CCDC87: variants seen among roughly 807,000 people sequenced by gnomAD.
The protein encoded by CCDC87 is coiled-coil domain-containing protein 87.
For synonymous variants in CCDC87, 434 were observed against 440.2 expected (o/e 0.99, Z 0.18); for missense variants, 1,072 against 1,041.7 (o/e 1.03, Z -0.40).
chr11:66,591,511 A>C lies in CCDC87; in HGVS notation c.1505T>G (p.Val502Gly). The C allele has an allele frequency of 6.2e-7, 1 of 1,614,174 alleles. No homozygotes were observed. The highest frequency in any genetic ancestry group is 1.3e-5 in the African/African-American group (1 of 75,038). The change falls in exon 1 of 1, where the codon GTC (valine) becomes GGC (glycine). Residue 502 changes from valine to glycine, a missense_variant. Coordinates refer to ENST00000333861, the MANE Select transcript of CCDC87 (RefSeq NM_018219.3). ...REVYKELMSH[V>G]SSDHLHFDQG... ...ATCAAAATGTAAGTGGTCAGAAGAG[A>C]CATGGCTCATCAACTCCTTGTAGAC... is the stretch of plus-strand genomic sequence containing the variant.
chr11:66,591,099 T>C lies in CCDC87; in HGVS notation c.1917A>G (p.Pro639=). ...AGTCTGGTTCTTCATCTTCTAGCAATGGGGGAGGGTGCTGAATCTCTAGGG... is the reference window on the plus strand; with the variant it reads ...AGTCTGGTTCTTCATCTTCTAGCAACGGGGGAGGGTGCTGAATCTCTAGGG... ...RESLEIQHPP[P]LLEDEEPDFV... is the part of the protein sequence containing the mutation. Residue 639 remains proline, a synonymous_variant, in exon 1 of 1, where the codon CCA becomes CCG. Transcript: ENST00000333861. 1 of 1,614,088 alleles carries C rather than the reference T, an allele frequency of 6.2e-7. No homozygotes were observed. The highest frequency in any genetic ancestry group is 8.5e-7 in the Non-Finnish European group (1 of 1,180,018).
Position 66,590,437 on chromosome 11 carries a change from A to G in CCDC87, c.*29T>C. 1 of 1,545,952 alleles carries G rather than the reference A, an allele frequency of 6.5e-7. No homozygotes were observed. The highest frequency in any genetic ancestry group is 8.8e-7 in the Non-Finnish European group (1 of 1,141,200). Reference sequence around the variant, plus strand: ...CATTTGAGGGCACTGGGCCTGGTCAAGGAGTAATAGGGGTATTCCCAGGAG... The same window carrying G: ...CATTTGAGGGCACTGGGCCTGGTCAGGGAGTAATAGGGGTATTCCCAGGAG... On this transcript the variant is annotated 3_prime_UTR_variant, in exon 1 of 1. Transcript: ENST00000333861.
At position 66,591,640 on chromosome 11, in the gene CCDC87, A is replaced by G. The variant is rs759319157; in HGVS notation, c.1376T>C (p.Ile459Thr). The change falls in exon 1 of 1, where the codon ATT becomes ACT. Residue 459 changes from isoleucine (I) to threonine (T), a missense_variant. Ile to Thr is a moderately conservative substitution (Grantham distance 89). Coordinates refer to ENST00000333861, the MANE Select transcript of CCDC87 (RefSeq NM_018219.3). ...SDRNFLDSFHIEGAGALYNHL... is the reference protein window; with the variant it reads ...SDRNFLDSFHTEGAGALYNHL... ...GTTATACAGGGCTCCGGCCCCCTCAATGTGGAAAGAGTCTAAGAAGTTTCT... is the reference window on the plus strand; with the variant it reads ...GTTATACAGGGCTCCGGCCCCCTCAGTGTGGAAAGAGTCTAAGAAGTTTCT... 50 of 1,613,852 alleles carry G rather than the reference A, an allele frequency of 3.1e-5. No homozygotes were observed. The highest frequency in any genetic ancestry group is 4.0e-5 in the African/African-American group (3 of 74,912).
chr11:66,591,515 G>A lies in CCDC87; in HGVS notation c.1501C>T (p.His501Tyr). 1 of 1,614,142 alleles carries A rather than the reference G, an allele frequency of 6.2e-7. No individual in the cohort carries two copies. The highest frequency in any genetic ancestry group is 1.1e-5 in the South Asian group (1 of 91,084). ...AAATGTAAGTGGTCAGAAGAGACATGGCTCATCAACTCCTTGTAGACCTCC... is the reference window on the plus strand; with the variant it reads ...AAATGTAAGTGGTCAGAAGAGACATAGCTCATCAACTCCTTGTAGACCTCC... Reference protein sequence around the residue: ...TREVYKELMSHVSSDHLHFDQ... With the variant: ...TREVYKELMSYVSSDHLHFDQ... The change falls in exon 1 of 1, where the codon CAT (histidine) becomes TAT (tyrosine). Residue 501 changes from histidine to tyrosine, a missense_variant. His to Tyr is a moderately conservative substitution (Grantham distance 83). Coordinates refer to ENST00000333861, the MANE Select transcript of CCDC87 (RefSeq NM_018219.3).
chr11:66,591,203 C>A lies in CCDC87; in HGVS notation c.1813G>T (p.Glu605Ter). Residue 605 changes from glutamate (E) to a stop codon, truncating the protein, a stop_gained, in exon 1 of 1, where the codon GAA becomes TAA. Coordinates refer to ENST00000333861, the MANE Select transcript of CCDC87 (RefSeq NM_018219.3). LOFTEE classifies it low-confidence loss of function (END_TRUNC). ...DDYFKYLTNHETDFLHVIFQM... is the reference protein window; with the variant it reads ...DDYFKYLTNH Reference sequence around the variant, plus strand: ...AAGATGACATGAAGGAAATCTGTTTCATGGTTGGTGAGGTACTTGAAGTAG... The same window carrying A: ...AAGATGACATGAAGGAAATCTGTTTAATGGTTGGTGAGGTACTTGAAGTAG... The A allele has an allele frequency of 6.2e-7, 1 of 1,614,252 alleles. No homozygotes were observed. Among genetic ancestry groups the A allele is most frequent in the Non-Finnish European group, 8.5e-7 (1 of 1,180,042 alleles).
In CCDC87 at chr11:66,591,668, CAG is replaced by C. The variant is rs1858361588; in HGVS notation, c.1346_1347del (p.Ser449Ter). 6.2e-6 allele frequency: 10 copies of C among 1,613,844 alleles called. No homozygotes were observed. The highest frequency in any genetic ancestry group is 8.5e-6 in the Non-Finnish European group (10 of 1,180,000). On this transcript the variant is annotated frameshift_variant, in exon 1 of 1. Coordinates refer to ENST00000333861, the MANE Select transcript of CCDC87 (RefSeq NM_018219.3). LOFTEE classifies it low-confidence loss of function (END_TRUNC). ...TGGAAAGAGTCTAAGAAGTTTCTAT[CAG>C]AGACCCGTACGGCAGCCGCCTGGAC... Reference protein sequence around the residue: ...VVVQAAAVRVSDRNFLDSFHI... With the variant: ...VVVQAAAVRVXDRNFLDSFHI...
At position 66,592,559 on chromosome 11, in the gene CCDC87, G is replaced by A. The variant is rs764584208; in HGVS notation, c.457C>T (p.Arg153Trp). 18 of 1,612,940 alleles carry A rather than the reference G, an allele frequency of 1.1e-5. No individual in the cohort carries two copies. Among genetic ancestry groups the A allele is most frequent in the Non-Finnish European group, 1.4e-5 (16 of 1,180,036 alleles). The change falls in exon 1 of 1, where the codon CGG becomes TGG. Residue 153 changes from arginine (R) to tryptophan (W), a missense_variant. By Grantham distance (101) the Arg-to-Trp change is moderately radical. Transcript: ENST00000333861. ...GVFTESATLT[R>W]LAASLARDCT... ...TCCCTGGCGAGGCTGGCGGCCAACC[G>A]GGTGAGGGTGGCTGATTCAGTGAAG...
Position 66,592,660 on chromosome 11 carries a change from T to A in CCDC87, c.356A>T (p.Tyr119Phe). 6.2e-7 allele frequency: 1 copy of A among 1,613,904 alleles called. No individual in the cohort carries two copies. The highest frequency in any genetic ancestry group is 2.2e-5 in the East Asian group (1 of 44,886). ...GAGCTGCTCGCTGCTCAGCAGCACG[T>A]AGGCCTCGAGCCGCTTCCGCAGCTT... ...NQKLRKRLEAYVLLSSEQLFL... is the reference protein window; with the variant it reads ...NQKLRKRLEAFVLLSSEQLFL... The change falls in exon 1 of 1, where the codon TAC (tyrosine) becomes TTC (phenylalanine). Residue 119 changes from tyrosine to phenylalanine, a missense_variant. Coordinates refer to ENST00000333861, the MANE Select transcript of CCDC87 (RefSeq NM_018219.3).
chr11:66,592,119 G>T lies in CCDC87; in HGVS notation c.897C>A (p.Pro299=). 2 of 1,587,306 alleles carry T rather than the reference G, an allele frequency of 1.3e-6. No individual in the cohort carries two copies. Among genetic ancestry groups the T allele is most frequent in the Non-Finnish European group, 8.6e-7 (1 of 1,166,794 alleles). The change falls in exon 1 of 1, where the codon CCC becomes CCA. Residue 299 remains proline (P), a synonymous_variant. Coordinates refer to ENST00000333861, the MANE Select transcript of CCDC87 (RefSeq NM_018219.3). ...YPVAPTSRAS[P]SPFCPELRRG... is the part of the protein sequence containing the mutation. ...TCCGGAGCTCAGGGCAGAAAGGCGAGGGGGAAGCCCTGCTGGTGGGGGCCA... is the reference window on the plus strand; with the variant it reads ...TCCGGAGCTCAGGGCAGAAAGGCGATGGGGAAGCCCTGCTGGTGGGGGCCA...
chr11:66,592,720 G>A lies in CCDC87; in HGVS notation c.296C>T (p.Pro99Leu), dbSNP rs1565320783. 2 of 1,613,988 alleles carry A rather than the reference G, an allele frequency of 1.2e-6. No individual in the cohort carries two copies. The highest frequency in any genetic ancestry group is 1.7e-6 in the Non-Finnish European group (2 of 1,180,028). ...TTTGTGGCTCAGACTAAGTTCGGCGGGCGGCTCCCGCCAGCTGCACTTCAG... is the reference window on the plus strand; with the variant it reads ...TTTGTGGCTCAGACTAAGTTCGGCGAGCGGCTCCCGCCAGCTGCACTTCAG... Reference protein sequence around the residue: ...DELKCSWREPPAELSLSHKNN... With the variant: ...DELKCSWREPLAELSLSHKNN... The change falls in exon 1 of 1, where the codon CCC becomes CTC. Residue 99 changes from proline to leucine, a missense_variant. Transcript: ENST00000333861.
chr11:66,590,391 G>T lies in CCDC87; in HGVS notation c.*75C>A. The T allele has an allele frequency of 1.8e-6, 2 of 1,117,010 alleles. No individual in the cohort carries two copies. Among genetic ancestry groups the T allele is most frequent in the Non-Finnish European group, 2.6e-6 (2 of 767,698 alleles). The allele number at this position is 1,117,010 out of a possible 1,614,324, so 69.2% of individuals were successfully genotyped here. ...GTAAAGAGGTCTAGATGAGCTGCTGGCCATTTAGGGGTGAGGGAGGCATTT... is the reference window on the plus strand; with the variant it reads ...GTAAAGAGGTCTAGATGAGCTGCTGTCCATTTAGGGGTGAGGGAGGCATTT... On this transcript the variant is annotated 3_prime_UTR_variant, in exon 1 of 1. Transcript: ENST00000333861.
Position 66,591,638 on chromosome 11 carries a change from C to A in CCDC87, c.1378G>T (p.Glu460Ter), listed in dbSNP as rs556418445. 1.1e-4 allele frequency: 170 copies of A among 1,614,004 alleles called. No individual in the cohort carries two copies. The South Asian group carries it at 1.8e-3, about 17-fold the overall frequency. Residue 460 changes from glutamate to a stop codon, truncating the protein, a stop_gained, in exon 1 of 1, where the codon GAG (glutamate) becomes TAG (stop). Coordinates refer to ENST00000333861, the MANE Select transcript of CCDC87 (RefSeq NM_018219.3). LOFTEE classifies it low-confidence loss of function (END_TRUNC). ...TGGTTATACAGGGCTCCGGCCCCCT[C>A]AATGTGGAAAGAGTCTAAGAAGTTT... ...DRNFLDSFHIEGAGALYNHLA... is the reference protein window; with the variant it reads ...DRNFLDSFHI
At position 66,591,113 on chromosome 11, in the gene CCDC87, G is replaced by GA. The variant is rs1565319564; in HGVS notation, c.1902dup (p.Gln635SerfsTer10). The GA allele has an allele frequency of 1.9e-6, 3 of 1,614,088 alleles. No homozygotes were observed. Among genetic ancestry groups the GA allele is most frequent in the African/African-American group, 1.3e-5 (1 of 75,044 alleles). On this transcript the variant is annotated frameshift_variant, in exon 1 of 1. Transcript: ENST00000333861. LOFTEE classifies it low-confidence loss of function (END_TRUNC). ...TCTTCTAGCAATGGGGGAGGGTGCT[G>GA]AATCTCTAGGGACTCTCTGGCAGGG... is the stretch of plus-strand genomic sequence containing the variant.
At position 66,592,357 on chromosome 11, in the gene CCDC87, A is replaced by C; in HGVS notation, c.659T>G (p.Val220Gly). Residue 220 changes from valine (V) to glycine (G), a missense_variant, in exon 1 of 1, where the codon GTG (valine) becomes GGG (glycine). Val to Gly is a moderately radical substitution (Grantham distance 109). Coordinates refer to ENST00000333861, the MANE Select transcript of CCDC87 (RefSeq NM_018219.3). ...GTTCAGGTTGAGGTTAGAGCACTGC[A>C]CTTGGGCGAAGCCAGTGCTGTGAGG... ...PWPHSTGFAQ[V>G]QCSNLNLNYL... The C allele has an allele frequency of 6.2e-7, 1 of 1,614,140 alleles. No homozygotes were observed. Among genetic ancestry groups the C allele is most frequent in the South Asian group, 1.1e-5 (1 of 91,082 alleles).
chr11:66,592,559 G>C lies in CCDC87; in HGVS notation c.457C>G (p.Arg153Gly). 1 of 1,613,058 alleles carries C rather than the reference G, an allele frequency of 6.2e-7. No homozygotes were observed. The highest frequency in any genetic ancestry group is 8.5e-7 in the Non-Finnish European group (1 of 1,180,028). Reference sequence around the variant, plus strand: ...TCCCTGGCGAGGCTGGCGGCCAACCGGGTGAGGGTGGCTGATTCAGTGAAG... The same window carrying C: ...TCCCTGGCGAGGCTGGCGGCCAACCCGGTGAGGGTGGCTGATTCAGTGAAG... ...GVFTESATLTRLAASLARDCT... is the reference protein window; with the variant it reads ...GVFTESATLTGLAASLARDCT... The change falls in exon 1 of 1, where the codon CGG becomes GGG. Residue 153 changes from arginine to glycine, a missense_variant. Transcript: ENST00000333861.
At position 66,590,352 on chromosome 11, in the gene CCDC87, C is replaced by T. The variant is rs1403291871; in HGVS notation, c.*114G>A. The T allele has an allele frequency of 1.3e-6, 1 of 763,928 alleles. No individual in the cohort carries two copies. The highest frequency in any genetic ancestry group is 1.8e-5 in the African/African-American group (1 of 57,068). The allele number at this position is 763,928 out of a possible 1,614,324, so 47.3% of individuals were successfully genotyped here. A position where few individuals can be genotyped will look rare whatever the true frequency, so the allele number is the denominator to read the frequency against. On this transcript the variant is annotated 3_prime_UTR_variant, in exon 1 of 1. Transcript: ENST00000333861. Reference sequence around the variant, plus strand: ...CACTCCCAGATATAGACAAATATTTCTTCTTCCAAAGCAGTAAAGAGGTCT... The same window carrying T: ...CACTCCCAGATATAGACAAATATTTTTTCTTCCAAAGCAGTAAAGAGGTCT...
rs1174725816 is a variant in CCDC87, at chr11:66,592,590, C to T, written c.426G>A (p.Arg142=). The T allele has an allele frequency of 8.1e-6, 13 of 1,613,424 alleles. No homozygotes were observed. Among genetic ancestry groups the T allele is most frequent in the Non-Finnish European group, 1.1e-5 (13 of 1,180,028 alleles). ...LHLLVTMSTP[R]GVFTESATLT... ...GGGTGGCTGATTCAGTGAAGACCCCCCTGGGAGTCGACATGGTCACCAGCA... is the reference window on the plus strand; with the variant it reads ...GGGTGGCTGATTCAGTGAAGACCCCTCTGGGAGTCGACATGGTCACCAGCA... Residue 142 remains arginine, a synonymous_variant, in exon 1 of 1, where the codon AGG becomes AGA. Transcript: ENST00000333861.
chr11:66,591,139 G>C lies in CCDC87; in HGVS notation c.1877C>G (p.Ala626Gly), dbSNP rs1858347228. Residue 626 changes from alanine (A) to glycine (G), a missense_variant, in exon 1 of 1, where the codon GCC becomes GGC. Coordinates refer to ENST00000333861, the MANE Select transcript of CCDC87 (RefSeq NM_018219.3). ...AATCTCTAGGGACTCTCTGGCAGGG[G>C]CCACAATCTCCACAGGAACCTCTTC... ...HEEEVPVEIV[A>G]PARESLEIQH... is the part of the protein sequence containing the mutation. 1.2e-6 allele frequency: 2 copies of C among 1,613,982 alleles called. No homozygotes were observed. The highest frequency in any genetic ancestry group is 8.5e-7 in the Non-Finnish European group (1 of 1,180,028).
At position 66,590,854 on chromosome 11, in the gene CCDC87, C is replaced by A. The variant is rs199676104; in HGVS notation, c.2162G>T (p.Trp721Leu). The A allele has an allele frequency of 5.6e-6, 9 of 1,613,980 alleles. No homozygotes were observed. Among genetic ancestry groups the A allele is most frequent in the Non-Finnish European group, 5.9e-6 (7 of 1,180,050 alleles). ...LRQLPSLVNAWERALKPIQLR... is the reference protein window; with the variant it reads ...LRQLPSLVNALERALKPIQLR... The stretch of plus-strand genomic sequence containing the variant: ...CTGAATGGGCTTCAGGGCCCGCTCC[C>A]AGGCATTCACCAATGAAGGCAGCTG... The change falls in exon 1 of 1, where the codon TGG becomes TTG. Residue 721 changes from tryptophan (W) to leucine (L), a missense_variant. Physicochemically the swap from Trp to Leu is moderately conservative, Grantham distance 61. Transcript: ENST00000333861.
Sources: gnomAD v4.1 joint callset for allele counts on GRCh38, gnomAD v4.1.1 for gene constraint, MANE v1.5 for transcripts, NCBI Gene and HGNC (gene_info 2026-07-23, HGNC 2026-07-21) for gene names.